The following IL1RAPL2 variants were observed in gnomAD, a reference collection of about 807,000 sequenced individuals.
The protein encoded by IL1RAPL2 is interleukin 1 receptor accessory protein like 2.
In IL1RAPL2, 3 loss-of-function variants were observed where a neutral mutation model predicts 44.1. The ratio of observed to expected loss-of-function variants is 0.07; its 90% CI spans 0.03 to 0.18. The LOEUF is 0.18. IL1RAPL2 is among the 10% of genes least tolerant of loss of function. The pLI is 1.00. For synonymous variants in IL1RAPL2, 181 were observed against 178.8 expected, an observed-to-expected ratio of 1.01 and a Z score of -0.10; for missense variants, 391 against 496.4, an observed-to-expected ratio of 0.79 and a Z score of 2.02.
At chrX:104,937,524 A>G (rs1266324125) in intron 2 of IL1RAPL2, among the ~76,000 whole-genome samples, 2 of 112,273 alleles carry the variant, frequency 1.8e-5, no homozygotes, top group Non-Finnish European at 3.8e-5. Context: ...TTCCATTGGC[A>G]AGAATTGTTT....
intron 1 of IL1RAPL2, among the ~76,000 whole-genome samples, chrX:104,644,942 A>C (rs1359751636): frequency 2.7e-5 from 3 of 111,752 alleles, no homozygotes; most frequent in Admixed American, 1.9e-4. Flanking sequence ...TTTGGTTAAC[A>C]GCCTTTTTAC....
Position 104,849,051 on chromosome X carries a change from A to G in IL1RAPL2, c.82+190056A>G, listed in dbSNP as rs375176633. 4.8e-4 allele frequency among the ~76,000 whole-genome samples: 53 copies of G among 109,997 alleles called. 3 individuals carry two copies. In the East Asian group the frequency reaches 4.9e-3, roughly 10 times the overall value. Reference sequence around the variant, plus strand: ...GAGACAGGGTCTCAGTCTGTTACCCAGGCTGGAGTGCAGTGGCACAATCAC... The same window carrying G: ...GAGACAGGGTCTCAGTCTGTTACCCGGGCTGGAGTGCAGTGGCACAATCAC... On this transcript the variant is annotated intron_variant, in intron 2 of 10. Transcript: ENST00000372582.
rs201058010 is a variant in IL1RAPL2, at chrX:104,588,093, G to GT, written c.-20+21043dup. ...CTCATTTGTTCTTAGCCCATGCTGC[G>GT]TATCACCTGCCTCTCTACTCATTGT... On this transcript the variant is annotated intron_variant, in intron 1 of 10. Coordinates refer to ENST00000372582, the MANE Select transcript of IL1RAPL2 (RefSeq NM_017416.2). 5.4e-3 allele frequency among the ~76,000 whole-genome samples: 608 copies of GT among 111,758 alleles called. 5 individuals are homozygous for GT. The highest frequency in any genetic ancestry group is 0.019 in the African/African-American group (575 of 30,789).
At chrX:104,864,019 C>A (rs1279813623) in intron 2 of IL1RAPL2, among the ~76,000 whole-genome samples, 1 of 111,801 alleles carries the variant, frequency 8.9e-6, no homozygotes, top group Admixed American at 9.5e-5. Context: ...TTTAGGGTCC[C>A]TAAAGGCTCC....
At chrX:105,172,690 T>C (rs1338672590) in intron 2 of IL1RAPL2, among the ~76,000 whole-genome samples, 2 of 111,921 alleles carry the variant, frequency 1.8e-5, no homozygotes, top group Admixed American at 9.5e-5. Context: ...TCAGTGCCCA[T>C]GTGATTAGGT....
At chrX:105,165,063 C>T (rs866258739) in intron 2 of IL1RAPL2, among the ~76,000 whole-genome samples, 10 of 111,535 alleles carry the variant, frequency 9.0e-5, no homozygotes, top group Middle Eastern at 9.2e-3. Context: ...CCTGTGTTGG[C>T]TCTTTCAGTG....
intron 5 of IL1RAPL2, among the ~76,000 whole-genome samples, chrX:105,388,216 ATGAAAG>A (rs1301320216): frequency 2.1e-5 from 2 of 95,711 alleles, no homozygotes; most frequent in African/African-American, 7.4e-5. Context: ...AAACCGTTCT[ATGAAAG>A]TGTGAATTAG....
intron 6 of IL1RAPL2, among the ~76,000 whole-genome samples, chrX:105,691,450 C>T (rs1359805161): frequency 8.9e-6 from 1 of 111,747 alleles, no homozygotes; most frequent in Non-Finnish European, 1.9e-5. Flanking sequence ...AATCCACTTA[C>T]AGAGATCACT....
At chrX:104,601,653 T>C (rs1422917213) in intron 1 of IL1RAPL2, among the ~76,000 whole-genome samples, 1 of 112,134 alleles carries the variant, frequency 8.9e-6, no homozygotes, top group Non-Finnish European at 1.9e-5. Flanking sequence ...GGTTCCCTTT[T>C]CTCTGCAGCA....
At chrX:105,441,711 A>C (rs1345060523) in intron 5 of IL1RAPL2, among the ~76,000 whole-genome samples, 1 of 111,908 alleles carries the variant, frequency 8.9e-6, no homozygotes, top group Non-Finnish European at 1.9e-5. Flanking sequence ...AAGACATATA[A>C]ACATGACCCT....
At chrX:105,225,688 TA>T in intron 3 of IL1RAPL2, among the ~76,000 whole-genome samples, 1 of 109,104 alleles carries the variant, frequency 9.2e-6, no homozygotes, top group African/African-American at 3.3e-5. Context: ...TATTTTATTT[TA>T]TTTTATTTTT....
At chrX:105,162,565 A>C (rs1341392957) in intron 2 of IL1RAPL2, among the ~76,000 whole-genome samples, 1 of 112,261 alleles carries the variant, frequency 8.9e-6, no homozygotes, top group East Asian at 2.8e-4. Flanking sequence ...CTGAATTATT[A>C]TATATTTTTA....
intron 5 of IL1RAPL2, among the ~76,000 whole-genome samples, chrX:105,303,191 G>C (rs2034709688): frequency 8.9e-6 from 1 of 111,784 alleles, no homozygotes; most frequent in South Asian, 3.7e-4. Flanking sequence ...CTTAAAACCA[G>C]GTACTGTAAT....
intron 6 of IL1RAPL2, among the ~76,000 whole-genome samples, chrX:105,636,540 C>T (rs768879955): frequency 9.0e-6 from 1 of 111,321 alleles, no homozygotes; most frequent in South Asian, 3.7e-4. Flanking sequence ...CCAGGTGACC[C>T]TTAGATACAG....
At position 105,045,573 on chromosome X, in the gene IL1RAPL2, G is replaced by A. The variant is rs532276225; in HGVS notation, c.83-149902G>A. ...TGTGTTTATTTATTTTTAAGTGACA[G>A]GTCTCACTCTGTTACTCAGGTTGGA... On this transcript the variant is annotated intron_variant, in intron 2 of 10. Transcript: ENST00000372582. Among the ~76,000 whole-genome samples, 3 of 111,246 alleles carry A rather than the reference G, an allele frequency of 2.7e-5. No individual in the cohort carries two copies. In the South Asian group the frequency reaches 1.1e-3, roughly 42 times the overall value.
At position 105,558,791 on chromosome X, in the gene IL1RAPL2, T is replaced by C. The variant is rs192962527; in HGVS notation, c.772+74404T>C. On this transcript the variant is annotated intron_variant, in intron 6 of 10. Transcript: ENST00000372582. Reference sequence around the variant, plus strand: ...TTCTATATACTGAACACATTTTACATGTGTAATGAGATTTGTGTATTAGTG... The same window carrying C: ...TTCTATATACTGAACACATTTTACACGTGTAATGAGATTTGTGTATTAGTG... Among the ~76,000 whole-genome samples, 24 of 112,417 alleles carry C rather than the reference T, an allele frequency of 2.1e-4. No individual in the cohort carries two copies. In the East Asian group the frequency reaches 6.2e-3, roughly 29 times the overall value.
intron 2 of IL1RAPL2, among the ~76,000 whole-genome samples, chrX:104,860,398 G>T (rs1027590648): frequency 9.0e-6 from 1 of 111,083 alleles, no homozygotes; most frequent in Non-Finnish European, 1.9e-5. Context: ...CATGTCATAG[G>T]AGGCTCCTTC....
At chrX:105,682,835 T>C (rs989662976) in intron 6 of IL1RAPL2, among the ~76,000 whole-genome samples, 1 of 112,508 alleles carries the variant, frequency 8.9e-6, no homozygotes, top group African/African-American at 3.2e-5. Context: ...ATTTTAGTTG[T>C]AAAAGATAAG....
intron 2 of IL1RAPL2, among the ~76,000 whole-genome samples, chrX:105,111,949 A>C (rs1284825780): frequency 8.9e-6 from 1 of 111,851 alleles, no homozygotes; most frequent in Non-Finnish European, 1.9e-5. Context: ...TTATTTAACT[A>C]TTATAAGAGG....
Sources: gnomAD v4.1 joint callset for allele counts (sites outside exome capture counted in the v4.1 genomes callset) on GRCh38, gnomAD v4.1.1 for gene constraint, MANE v1.5 for transcripts, NCBI Gene and HGNC (gene_info 2026-07-23, HGNC 2026-07-21) for gene names.